Variants in AGBL4 observed in about 807,000 individuals in gnomAD.
The protein encoded by AGBL4 is cytosolic carboxypeptidase 6.
Under a neutral mutation model 66.4 loss-of-function variants are expected in AGBL4, and 58 were observed. The observed-to-expected ratio is 0.87, with a 90% CI of 0.71 to 1.09. The LOEUF (loss-of-function observed/expected upper bound fraction) is 1.09. Among genes scored for constraint, AGBL4 ranks in the 50% least tolerant of loss-of-function variants. The pLI, the probability that AGBL4 is intolerant of heterozygous loss-of-function variation, is 0.00. For missense variants in AGBL4, 579 were observed against 631.0 expected (o/e 0.92, Z 0.88); for synonymous variants, 234 against 222.9 (o/e 1.05, Z -0.44).
intron 3 of AGBL4, among the ~76,000 whole-genome samples, chr1:49,316,189 G>T (rs1378110489): frequency 3.9e-5 from 6 of 151,970 alleles, no homozygotes; most frequent in Non-Finnish European, 8.8e-5. Flanking sequence ...TGTAATGATA[G>T]ATATATGTTA....
intron 6 of AGBL4, among the ~76,000 whole-genome samples, chr1:48,749,424 C>A (rs1316273618): frequency 6.6e-6 from 1 of 152,136 alleles, no homozygotes; most frequent in Non-Finnish European, 1.5e-5. Context: ...GGTGGTCCTA[C>A]AAAATCGATC....
At chr1:49,919,457 G>C (rs534114077) in intron 1 of AGBL4, among the ~76,000 whole-genome samples, 2 of 152,178 alleles carry the variant, frequency 1.3e-5, no homozygotes, top group South Asian at 4.1e-4. Flanking sequence ...GACAAACAGA[G>C]AGCCAAATCA....
chr1:49,260,172 A>G (rs954019541), intron 3 of AGBL4, among the ~76,000 whole-genome samples: 2 of 151,900 alleles, frequency 1.3e-5, no homozygotes, highest in African/African-American at 2.4e-5. Context: ...GTAGAGGGAA[A>G]TTTATAGCAC....
chr1:49,076,252 G>A (rs1195328916), intron 4 of AGBL4, among the ~76,000 whole-genome samples: 2 of 152,144 alleles, frequency 1.3e-5, no homozygotes, highest in African/African-American at 2.4e-5. Context: ...AGACGCTCAA[G>A]TCCCTTATAG....
At chr1:49,545,902 T>C (rs1208622191) in intron 3 of AGBL4, among the ~76,000 whole-genome samples, 7 of 152,308 alleles carry the variant, frequency 4.6e-5, no homozygotes, top group African/African-American at 1.7e-4. Flanking sequence ...TTTCCATAAG[T>C]TATGGGAGTA....
At chr1:49,808,099 G>T (rs1645015248) in intron 2 of AGBL4, among the ~76,000 whole-genome samples, 1 of 152,150 alleles carries the variant, frequency 6.6e-6, no homozygotes. Flanking sequence ...ATGTGCAAAT[G>T]GAGAGATTAC....
intron 3 of AGBL4, among the ~76,000 whole-genome samples, chr1:49,622,813 T>C (rs1380152968): frequency 6.6e-6 from 1 of 152,152 alleles, no homozygotes; most frequent in Non-Finnish European, 1.5e-5. Flanking sequence ...ATTGCCATGA[T>C]ATTTTGTGCT....
chr1:49,321,297 T>A lies in AGBL4; in HGVS notation c.283-75433A>T, dbSNP rs551917545. ...TTATACAGTAAGCACTCAAAAAATA[T>A]TTTCTAAGTTAAATTTAAAAATATA... On this transcript the variant is annotated intron_variant, in intron 3 of 13. Transcript: ENST00000371839. Among the ~76,000 whole-genome samples the A allele has an allele frequency of 3.3e-5, 5 of 152,232 alleles. No individual in the cohort carries two copies. In the South Asian group the frequency reaches 6.2e-4, roughly 19 times the overall value.
chr1:49,069,487 G>A (rs1644557337), intron 4 of AGBL4, among the ~76,000 whole-genome samples: 1 of 151,874 alleles, frequency 6.6e-6, no homozygotes, highest in Non-Finnish European at 1.5e-5. Flanking sequence ...ATTAAATAGG[G>A]AATCCTTTCC....
intron 1 of AGBL4, among the ~76,000 whole-genome samples, chr1:49,862,826 G>A (rs1329560662): frequency 1.3e-5 from 2 of 152,040 alleles, no homozygotes; most frequent in African/African-American, 2.4e-5. Flanking sequence ...GATAAATAAA[G>A]ACTTTCTCAC....
chr1:49,332,968 T>C (rs1645363627), intron 3 of AGBL4, among the ~76,000 whole-genome samples: 1 of 152,192 alleles, frequency 6.6e-6, no homozygotes, highest in African/African-American at 2.4e-5. Flanking sequence ...CTAACTGGCA[T>C]GAGATGGTAT....
At chr1:49,300,771 A>G (rs994826974) in intron 3 of AGBL4, among the ~76,000 whole-genome samples, 2 of 152,154 alleles carry the variant, frequency 1.3e-5, no homozygotes, top group African/African-American at 4.8e-5. Flanking sequence ...TTGGCCATGG[A>G]AAAAATAGCT....
intron 6 of AGBL4, among the ~76,000 whole-genome samples, chr1:48,842,863 T>C (rs72890083): frequency 0.013 from 1,976 of 152,214 alleles, 40 homozygotes; most frequent in African/African-American, 0.043. Context: ...TCTCGTTGCA[T>C]GCTACAACAT....
At chr1:49,859,845 A>T (rs187024327) in intron 1 of AGBL4, among the ~76,000 whole-genome samples, 32 of 152,258 alleles carry the variant, frequency 2.1e-4, no homozygotes, top group African/African-American at 7.5e-4. Flanking sequence ...AAAAAATCAC[A>T]AAGAAGTTAC....
In AGBL4 at chr1:48,773,033, G is replaced by A. The variant is rs112199239; in HGVS notation, c.634+94158C>T. Among the ~76,000 whole-genome samples the A allele has an allele frequency of 2.1e-3, 314 of 152,196 alleles. 5 individuals carry two copies. Among genetic ancestry groups the A allele is most frequent in the African/African-American group, 6.8e-3 (284 of 41,510 alleles). On this transcript the variant is annotated intron_variant, in intron 6 of 13. Transcript: ENST00000371839. ...AAAAGTCAACGCCTGCCACCCCTGG[G>A]TCGTGCTGTCATTTCAATCACAGTA...
At chr1:49,899,990 C>T (rs1354862963) in intron 1 of AGBL4, among the ~76,000 whole-genome samples, 1 of 151,372 alleles carries the variant, frequency 6.6e-6, no homozygotes, top group Non-Finnish European at 1.5e-5. Flanking sequence ...TGTGGTGAGC[C>T]GAGATCGTAC....
Position 49,350,032 on chromosome 1 carries a change from A to AC in AGBL4, c.283-104169dup, listed in dbSNP as rs1304295637. ...AAAATAAACTTCCATCATTTATGCC[A>AC]CCCTGTCTGTAATATTTTGTTATAG... On this transcript the variant is annotated intron_variant, in intron 3 of 13. Coordinates refer to ENST00000371839, the MANE Select transcript of AGBL4 (RefSeq NM_032785.4). Among the ~76,000 whole-genome samples the AC allele has an allele frequency of 5.9e-5, 9 of 152,248 alleles. No homozygotes were observed. In the East Asian group the frequency reaches 1.7e-3, roughly 29 times the overall value.
intron 6 of AGBL4, among the ~76,000 whole-genome samples, chr1:48,849,927 C>T (rs182044710): frequency 6.6e-6 from 1 of 152,222 alleles, no homozygotes; most frequent in East Asian, 1.9e-4. Context: ...GAGCCGAGAT[C>T]GCACCACTGC....
chr1:48,972,954 C>T (rs550717849), intron 5 of AGBL4, among the ~76,000 whole-genome samples: 1 of 152,092 alleles, frequency 6.6e-6, no homozygotes, highest in Non-Finnish European at 1.5e-5. Flanking sequence ...TATTACCAGG[C>T]TCATATAGAT....
Sources: gnomAD v4.1 joint callset for allele counts (sites outside exome capture counted in the v4.1 genomes callset) on GRCh38, gnomAD v4.1.1 for gene constraint, MANE v1.5 for transcripts, NCBI Gene and HGNC (gene_info 2026-07-23, HGNC 2026-07-21) for gene names.